The following NXPE4 variants were observed in gnomAD, a reference collection of about 807,000 sequenced individuals.
NXPE4 encodes the protein neurexophilin and PC-esterase domain family member 4.
Under a neutral mutation model 33.3 loss-of-function variants are expected in NXPE4, and 42 were observed. That is an observed-to-expected ratio of 1.26 (90% CI 0.98 to 1.63). NXPE4 has a LOEUF of 1.63. NXPE4 is among the 40% of genes most tolerant of loss of function. The pLI is 0.00. For missense variants in NXPE4, 709 were observed against 647.6 expected (o/e 1.09, Z -1.03); for synonymous variants, 253 against 234.9 (o/e 1.08, Z -0.71).
chr11:114,588,125 C>T (rs1949351345), intron 2 of NXPE4, among the ~76,000 whole-genome samples: 1 of 152,104 alleles, frequency 6.6e-6, no homozygotes, highest in African/African-American at 2.4e-5. Context: ...ACTAGAGAAG[C>T]AACCTCCAGG....
the NXPE4 span, among the ~76,000 whole-genome samples, chr11:114,614,434 G>T: frequency 6.6e-6 from 1 of 151,922 alleles, no homozygotes; most frequent in East Asian, 1.9e-4. Flanking sequence ...AATAAGTATT[G>T]CCTCGTGGGT....
chr11:114,575,604 A>C (rs1433408038), intron 5 of NXPE4, among the ~76,000 whole-genome samples: 1 of 151,934 alleles, frequency 6.6e-6, no homozygotes, highest in Admixed American at 6.6e-5. Context: ...GCTGTAAAAT[A>C]AAATAAAATA....
At chr11:114,671,363 A>G in the NXPE4 span, among the ~76,000 whole-genome samples, 7 of 152,008 alleles carry the variant, frequency 4.6e-5, no homozygotes, top group Non-Finnish European at 5.9e-5. Flanking sequence ...AGAAAGGACC[A>G]GAAAACAATG....
chr11:114,575,247 G>A (rs1948970968), intron 5 of NXPE4, among the ~76,000 whole-genome samples: 1 of 152,026 alleles, frequency 6.6e-6, no homozygotes, highest in South Asian at 2.1e-4. Flanking sequence ...ACTGAATGGG[G>A]AAAAGTTGAA....
intron 5 of NXPE4, 86 bp from the exon 6 acceptor site, chr11:114,571,559 G>T: frequency 2.5e-6 from 3 of 1,199,488 alleles, no homozygotes; most frequent in South Asian, 1.6e-5. Context: ...GATTTGATTG[G>T]TATAATTAAA....
Position 114,583,713 on chromosome 11 carries a change from A to G in NXPE4, c.97-692T>C, listed in dbSNP as rs1949211054. On this transcript the variant is annotated intron_variant, in intron 2 of 5. Coordinates refer to ENST00000375478, the MANE Select transcript of NXPE4 (RefSeq NM_001077639.2). Reference sequence around the variant, plus strand: ...AAGGCATCTGGCTTCTGTTATGTTAATGATACAATCTGGGCCACCTTGGAA... The same window carrying G: ...AAGGCATCTGGCTTCTGTTATGTTAGTGATACAATCTGGGCCACCTTGGAA... The G allele has an allele frequency of 5.4e-6, 3 of 560,578 alleles. No homozygotes were observed. The Admixed American group carries it at 5.8e-5, about 11-fold the overall frequency. The allele number at this position is 560,578 out of a possible 1,614,324, so 34.7% of individuals were successfully genotyped here.
At chr11:114,633,038 T>G in the NXPE4 span, among the ~76,000 whole-genome samples, 1 of 113,488 alleles carries the variant, frequency 8.8e-6, no homozygotes, top group African/African-American at 3.6e-5. Context: ...AATATTTTAT[T>G]ATATAATTGC....
chr11:114,608,808 C>T, the NXPE4 span, among the ~76,000 whole-genome samples: 1 of 151,842 alleles, frequency 6.6e-6, no homozygotes, highest in African/African-American at 2.4e-5. Flanking sequence ...TAAGTGTTGC[C>T]TCGTGGGTAA....
the NXPE4 span, among the ~76,000 whole-genome samples, chr11:114,624,708 G>A: frequency 0.14 from 21,557 of 152,060 alleles, 1,896 homozygotes; most frequent in East Asian, 0.37. Flanking sequence ...GGTAACCACT[G>A]TCTCCTGGTG....
At chr11:114,574,939 C>A (rs183092394) in intron 5 of NXPE4, among the ~76,000 whole-genome samples, 6 of 152,028 alleles carry the variant, frequency 3.9e-5, no homozygotes, top group Non-Finnish European at 8.8e-5. Flanking sequence ...TGCTAAAATC[C>A]TCACCAAAAT....
At chr11:114,608,856 G>A in the NXPE4 span, among the ~76,000 whole-genome samples, 1 of 151,224 alleles carries the variant, frequency 6.6e-6, no homozygotes, top group Admixed American at 6.6e-5. Context: ...TTGCCTTGTG[G>A]GTAACCACTC....
rs759279646 is a variant in NXPE4, at chr11:114,580,167, C to A, written c.1064G>T (p.Arg355Leu). ...GGCTTTGAAGTATTCCATCCACTGG[C>A]GGATCGTGGAATCTCCCATTAGGTA... ...LIYLMGDSTI[R>L]QWMEYFKASI... is the part of the protein sequence containing the mutation. The change falls in exon 5 of 6, where the codon CGC becomes CTC. Residue 355 changes from arginine (R) to leucine (L), a missense_variant. Coordinates refer to ENST00000375478, the MANE Select transcript of NXPE4 (RefSeq NM_001077639.2). 6.2e-7 allele frequency: 1 copy of A among 1,614,016 alleles called. No homozygotes were observed. Among genetic ancestry groups the A allele is most frequent in the South Asian group, 1.1e-5 (1 of 91,080 alleles).
chr11:114,630,198 A>G, the NXPE4 span, among the ~76,000 whole-genome samples: 8 of 151,966 alleles, frequency 5.3e-5, no homozygotes, highest in Admixed American at 6.5e-5. Flanking sequence ...GAACCAAAAA[A>G]GAGCCCTCAT....
chr11:114,651,228 G>T, the NXPE4 span, among the ~76,000 whole-genome samples: 1 of 152,170 alleles, frequency 6.6e-6, no homozygotes, highest in South Asian at 2.1e-4. Context: ...TGTGTCTGGG[G>T]TTTCTTCCTT....
upstream of NXPE4, among the ~76,000 whole-genome samples, chr11:114,596,012 A>G (rs1222900803): frequency 1.3e-5 from 2 of 152,220 alleles, no homozygotes; most frequent in Non-Finnish European, 2.9e-5. Flanking sequence ...TAAATATTAT[A>G]GTTACAATAA....
At chr11:114,592,284 C>T (rs1352104740) in intron 2 of NXPE4, among the ~76,000 whole-genome samples, 1 of 152,080 alleles carries the variant, frequency 6.6e-6, no homozygotes, top group African/African-American at 2.4e-5. Flanking sequence ...CCATAGACTT[C>T]AGTGAAAAAC....
At chr11:114,670,475 C>G in the NXPE4 span, among the ~76,000 whole-genome samples, 176 of 151,996 alleles carry the variant, frequency 1.2e-3, no homozygotes, top group Non-Finnish European at 1.8e-3. Flanking sequence ...GGTAGGATCC[C>G]TTGAGGCTAG....
At chr11:114,594,634 T>C (rs1239893915) in intron 2 of NXPE4, 30 bp downstream of exon 2, 5 of 1,424,672 alleles carry the variant, frequency 3.5e-6, no homozygotes, top group Non-Finnish European at 4.9e-6. Context: ...AATAAGCTTC[T>C]GTAAACCACA....
At chr11:114,574,207 A>G (rs1338122988) in intron 5 of NXPE4, among the ~76,000 whole-genome samples, 1 of 152,160 alleles carries the variant, frequency 6.6e-6, no homozygotes, top group African/African-American at 2.4e-5. Context: ...GGATACAGCA[A>G]AAGTGATGTT....
Sources: gnomAD v4.1 joint callset for allele counts (sites outside exome capture counted in the v4.1 genomes callset) on GRCh38, gnomAD v4.1.1 for gene constraint, MANE v1.5 for transcripts, NCBI Gene and HGNC (gene_info 2026-07-23, HGNC 2026-07-21) for gene names.